The following RXRA variants were observed in gnomAD, a reference collection of about 807,000 sequenced individuals.
RXRA encodes retinoid X receptor alpha.
Under a neutral mutation model 44.5 loss-of-function variants are expected in RXRA, and 5 were observed. That is an observed-to-expected ratio of 0.11 (90% CI 0.06 to 0.24). The LOEUF (loss-of-function observed/expected upper bound fraction) is 0.24, where lower values mean the gene tolerates loss of function less well. Ranked by LOEUF, RXRA falls within the 10% of genes least tolerant of loss-of-function variation. The pLI, the probability that RXRA is intolerant of heterozygous loss-of-function variation, is 1.00. For missense variants in RXRA, 412 were observed against 646.5 expected (o/e 0.64, Z 3.93); for synonymous variants, 291 against 271.4 (o/e 1.07, Z -0.71).
At chr9:134,378,435 G>A (rs1408916538) in intron 1 of RXRA, among the ~76,000 whole-genome samples, 1 of 152,230 alleles carries the variant, frequency 6.6e-6, no homozygotes, top group Non-Finnish European at 1.5e-5. Context: ...CCTCCAGAAC[G>A]CAGCTGGTGA....
At chr9:134,328,059 G>T (rs1246802878) in intron 1 of RXRA, among the ~76,000 whole-genome samples, 4 of 152,196 alleles carry the variant, frequency 2.6e-5, no homozygotes, top group African/African-American at 9.7e-5. Context: ...GTACTGCTGA[G>T]TGTGAGGCAG....
At chr9:134,424,234 C>T (rs753369420) in intron 6 of RXRA, 2 of 985,288 alleles carry the variant, frequency 2.0e-6, no homozygotes, top group African/African-American at 1.7e-5. Flanking sequence ...CCCGCAAGGC[C>T]CTTCCCTTAG....
At position 134,365,071 on chromosome 9, in the gene RXRA, C is replaced by T. The variant is rs368637305; in HGVS notation, c.29-36561C>T. Among the ~76,000 whole-genome samples, 241 of 152,218 alleles carry T rather than the reference C, an allele frequency of 1.6e-3. 1 individual carries two copies. Among genetic ancestry groups the T allele is most frequent in the African/African-American group, 5.1e-3 (213 of 41,518 alleles). ...GCAGGCCCACAGCTTCTGGGGAGAG[C>T]GTTTCCCAAGGTGGGGTCTGGTGCT... On this transcript the variant is annotated intron_variant, in intron 1 of 9. Coordinates refer to ENST00000481739, the MANE Select transcript of RXRA (RefSeq NM_002957.6). The surrounding 1 kb of genome is among the most constrained non-coding windows in gnomAD (Gnocchi z 4.0).
chr9:134,327,802 C>T (rs1014003642), intron 1 of RXRA, among the ~76,000 whole-genome samples: 7 of 152,160 alleles, frequency 4.6e-5, no homozygotes, highest in African/African-American at 1.4e-4. Context: ...AGTACCTCTG[C>T]TACTCACAGG....
chr9:134,429,048 G>A, intron 6 of RXRA, 60 bp from the exon 7 acceptor site: 2 of 1,598,160 alleles, frequency 1.3e-6, no homozygotes, highest in Non-Finnish European at 1.7e-6. Flanking sequence ...CAGGGGCTGG[G>A]GAAGGGGCGA....
chr9:134,416,229 G>A (rs1470142487), intron 4 of RXRA, among the ~76,000 whole-genome samples: 1 of 152,216 alleles, frequency 6.6e-6, no homozygotes, highest in Non-Finnish European at 1.5e-5. Context: ...GGACAGTCGA[G>A]GAAGGCAAAT....
chr9:134,434,651 G>C (rs934566856), intron 9 of RXRA, among the ~76,000 whole-genome samples: 1 of 152,172 alleles, frequency 6.6e-6, no homozygotes. Flanking sequence ...CGGCCTGAGC[G>C]TAGCGCTCAT....
chr9:134,346,122 C>T (rs1420969312), intron 1 of RXRA, among the ~76,000 whole-genome samples: 1 of 152,128 alleles, frequency 6.6e-6, no homozygotes, highest in African/African-American at 2.4e-5. Flanking sequence ...CGCAGGGTCC[C>T]TCGGCTCTAC....
intron 1 of RXRA, among the ~76,000 whole-genome samples, chr9:134,391,188 G>C (rs1830794070): frequency 6.6e-6 from 1 of 152,190 alleles, no homozygotes; most frequent in Non-Finnish European, 1.5e-5. Context: ...CCTCTGCCCT[G>C]ATCATTTCAG....
At chr9:134,423,256 G>A (rs773598227) in intron 6 of RXRA, 209 of 985,328 alleles carry the variant, frequency 2.1e-4, no homozygotes, top group Admixed American at 3.1e-4. Flanking sequence ...CTCACTGCCC[G>A]ACGATGGTGC....
chr9:134,326,976 C>G (rs1276978791), intron 1 of RXRA, among the ~76,000 whole-genome samples: 1 of 151,392 alleles, frequency 6.6e-6, no homozygotes, highest in African/African-American at 2.4e-5. Context: ...GCTGCAGCCG[C>G]GCCGCACAGG....
At chr9:134,379,804 G>A in intron 1 of RXRA, 1 of 985,382 alleles carries the variant, frequency 1.0e-6, no homozygotes, top group African/African-American at 1.7e-5. Context: ...ATGGAGCTCA[G>A]TCTTCCCCAG....
chr9:134,357,151 A>G (rs1276778470), intron 1 of RXRA, among the ~76,000 whole-genome samples: 1 of 150,290 alleles, frequency 6.7e-6, no homozygotes, highest in Non-Finnish European at 1.5e-5. Flanking sequence ...GCCTGCTCTG[A>G]GTGGGTTGAG....
intron 6 of RXRA, chr9:134,425,701 C>T: frequency 4.1e-6 from 4 of 985,290 alleles, no homozygotes; most frequent in Non-Finnish European, 4.8e-6. Context: ...CTTGTTAATC[C>T]TGCCCACATC....
intron 6 of RXRA, chr9:134,422,368 C>CG: frequency 1.6e-6 from 2 of 1,264,538 alleles, no homozygotes; most frequent in Non-Finnish European, 2.0e-6. Flanking sequence ...TCCCCGCTAC[C>CG]GGGACACTCC....
chr9:134,381,968 C>G (rs954766590), intron 1 of RXRA, among the ~76,000 whole-genome samples: 12 of 152,122 alleles, frequency 7.9e-5, no homozygotes, highest in African/African-American at 2.4e-4. Context: ...ACCGCTCCCT[C>G]GGTGTAGCAG....
At chr9:134,351,320 G>A (rs1159261701) in intron 1 of RXRA, among the ~76,000 whole-genome samples, 6 of 152,202 alleles carry the variant, frequency 3.9e-5, no homozygotes, top group African/African-American at 4.8e-5. Context: ...GAGGTCACTC[G>A]AAAGGGGCCC....
chr9:134,373,596 G>A lies in RXRA; in HGVS notation c.29-28036G>A, dbSNP rs138110733. Reference sequence around the variant, plus strand: ...TACCTTCCTTATGGTAGACACATGTGCAGGTCTGTCCCATCCCCCAGCTAT... The same window carrying A: ...TACCTTCCTTATGGTAGACACATGTACAGGTCTGTCCCATCCCCCAGCTAT... On this transcript the variant is annotated intron_variant, in intron 1 of 9. Coordinates refer to ENST00000481739, the MANE Select transcript of RXRA (RefSeq NM_002957.6). Among the ~76,000 whole-genome samples, 86 of 152,322 alleles carry A rather than the reference G, an allele frequency of 5.6e-4. No individual in the cohort carries two copies. In the East Asian group the frequency reaches 0.013, roughly 23 times the overall value.
At chr9:134,329,336 A>G (rs1448738678) in intron 1 of RXRA, among the ~76,000 whole-genome samples, 14 of 152,254 alleles carry the variant, frequency 9.2e-5, no homozygotes, top group African/African-American at 2.7e-4. Flanking sequence ...CTCGGGCCTG[A>G]CGAGGGCGTC....
Sources: allele counts gnomAD v4.1 joint callset (sites outside exome capture counted in the v4.1 genomes callset), GRCh38; gene constraint gnomAD v4.1.1; non-coding constraint Gnocchi (gnomAD v3.1); transcripts MANE v1.5; gene names NCBI Gene and HGNC (gene_info 2026-07-23, HGNC 2026-07-21).